The following DAO variants were observed in gnomAD, a reference collection of about 807,000 sequenced individuals.
DAO encodes D-amino-acid oxidase.
In DAO, 51 loss-of-function variants were observed where a neutral mutation model predicts 50.1. That is an observed-to-expected ratio of 1.02 (90% confidence interval 0.81 to 1.29). DAO has a LOEUF of 1.29. Ranked by LOEUF, DAO falls within the 50% of genes most tolerant of loss-of-function variation. The pLI is 0.00. For missense variants in DAO, 436 were observed against 439.4 expected, an observed-to-expected ratio of 0.99 and a Z score of 0.07; for synonymous variants, 160 against 166.2, an observed-to-expected ratio of 0.96 and a Z score of 0.29.
intron 1 of DAO, 100 bp from the exon 2 acceptor site, chr12:108,884,898 T>C (rs2039418139): frequency 1.8e-6 from 2 of 1,085,490 alleles, no homozygotes; most frequent in East Asian, 2.4e-5. Context: ...GGCTTGGTGG[T>C]GTCTGGCACC....
chr12:108,892,356 C>T (rs1332982567), intron 5 of DAO, among the ~76,000 whole-genome samples: 1 of 151,356 alleles, frequency 6.6e-6, no homozygotes, highest in Non-Finnish European at 1.5e-5. Context: ...TTAGTAGAGA[C>T]GGGGTTTCAC....
At chr12:108,887,372 C>A in intron 2 of DAO, 78 bp from the exon 3 acceptor site, 1 of 1,022,946 alleles carries the variant, frequency 9.8e-7, no homozygotes, top group Non-Finnish European at 1.6e-6. Flanking sequence ...GATCATGCCA[C>A]AGCCCCATGC....
intron 7 of DAO, among the ~76,000 whole-genome samples, chr12:108,896,234 CA>C (rs1447521919): frequency 6.6e-6 from 1 of 151,168 alleles, no homozygotes; most frequent in Non-Finnish European, 1.5e-5. Flanking sequence ...CCAGCCTGGC[CA>C]ACGTGGTGAA....
chr12:108,889,402 G>C, intron 3 of DAO, 67 bp from the exon 4 acceptor site: 1 of 1,113,014 alleles, frequency 9.0e-7, no homozygotes, highest in Non-Finnish European at 1.4e-6. Context: ...GAGCCACCTC[G>C]CCTGGCCCAT....
intron 6 of DAO, 83 bp downstream of exon 6, chr12:108,893,119 T>G: frequency 2.3e-6 from 3 of 1,281,898 alleles, no homozygotes; most frequent in Non-Finnish European, 3.4e-6. Flanking sequence ...GGGGGCTCCC[T>G]TCTCAGGCTC....
intron 6 of DAO, among the ~76,000 whole-genome samples, chr12:108,893,581 A>G (rs951223174): frequency 6.6e-6 from 1 of 152,236 alleles, no homozygotes; most frequent in African/African-American, 2.4e-5. Context: ...TATGTCATGA[A>G]GACTAACCTG....
chr12:108,880,094 A>G lies in DAO; in HGVS notation c.-140A>G. ...CCATAGCTCCAGACTTTGACCCTGC[A>G]CTCCAGTCCGGGCTGGCGGACAGAG... is the stretch of plus-strand genomic sequence containing the variant. On this transcript the variant is annotated 5_prime_UTR_variant, in exon 1 of 11. Coordinates refer to ENST00000228476, the MANE Select transcript of DAO (RefSeq NM_001917.5). The G allele has an allele frequency of 4.4e-6, 2 of 456,172 alleles. No homozygotes were observed. The allele number at this position is 456,172 out of a possible 1,614,324, so 28.3% of individuals were successfully genotyped here. A position where few individuals can be genotyped will look rare whatever the true frequency, so the allele number is the denominator to read the frequency against.
At chr12:108,893,966 T>A (rs578019554) in intron 6 of DAO, among the ~76,000 whole-genome samples, 1 of 152,288 alleles carries the variant, frequency 6.6e-6, no homozygotes, top group Admixed American at 6.5e-5. Context: ...TTACAACCAC[T>A]TTTATATTCA....
rs2039524047 is a variant in DAO at position 108,894,340 on chromosome 12, G to A, written c.585G>A (p.Leu195=). Residue 195 remains leucine, a synonymous_variant, in exon 7 of 11, where the codon CTG becomes CTA. Coordinates refer to ENST00000228476, the MANE Select transcript of DAO (RefSeq NM_001917.5). Reference sequence around the variant, plus strand: ...GGGCGCTACAACGAGACCCCCTGCTGCAGCCAGGCCGGGGGCAGATCATGA... The same window carrying A: ...GGGCGCTACAACGAGACCCCCTGCTACAGCCAGGCCGGGGGCAGATCATGA... The part of the protein sequence containing the change: ...WAGALQRDPL[L]QPGRGQIMKV... 1 of 1,613,966 alleles carries A rather than the reference G, an allele frequency of 6.2e-7. No homozygotes were observed. The highest frequency in any genetic ancestry group is 1.7e-5 in the Admixed American group (1 of 60,006).
chr12:108,882,330 T>C (rs373247290), intron 1 of DAO, among the ~76,000 whole-genome samples: 2 of 152,288 alleles, frequency 1.3e-5, no homozygotes, highest in East Asian at 1.9e-4. Flanking sequence ...CTGGCCAACA[T>C]GGTGAAACCT....
rs2302882 is a variant in DAO at position 108,887,702 on chromosome 12, G to C, written c.309+138G>C. ...GCAACAGACTCCTGGGTTCAAAACA[G>C]GTTTGGTTTAAATTCTATTTTTGCT... On this transcript the variant is annotated intron_variant, in intron 3 of 10. Transcript: ENST00000228476. The C allele has an allele frequency of 5.5e-3, 3,979 of 718,822 alleles. 82 individuals carry two copies. Among genetic ancestry groups the C allele is most frequent in the East Asian group, 0.054 (2,171 of 40,028 alleles). 44.5% of individuals were successfully genotyped at this position (718,822 alleles called of 1,614,324 possible).
intron 5 of DAO, among the ~76,000 whole-genome samples, chr12:108,892,319 C>A (rs575044136): frequency 1.3e-5 from 2 of 151,742 alleles, no homozygotes; most frequent in South Asian, 2.1e-4. Context: ...CCTGCCACCA[C>A]GTCTGGCTAA....
At chr12:108,897,250 C>T (rs1006239566) in intron 8 of DAO, among the ~76,000 whole-genome samples, 162 bp downstream of exon 8, 3 of 152,098 alleles carry the variant, frequency 2.0e-5, no homozygotes, top group African/African-American at 7.2e-5. Flanking sequence ...GAGTTTCACT[C>T]TTATTGCCCA....
In DAO at chr12:108,897,460, A is replaced by G. The variant is rs573855130; in HGVS notation, c.695+372A>G. 2.1e-4 allele frequency among the ~76,000 whole-genome samples: 32 copies of G among 151,980 alleles called. No individual in the cohort carries two copies. In the East Asian group the frequency reaches 4.9e-3, roughly 23 times the overall value. ...CTTGAACTCCTGACTCAGGTGATCC[A>G]CCTACCCTTGCCTCCCAAAGTGCTG... On this transcript the variant is annotated intron_variant, in intron 8 of 10. Coordinates refer to ENST00000228476, the MANE Select transcript of DAO (RefSeq NM_001917.5).
intron 1 of DAO, chr12:108,883,828 C>G (rs576293277): frequency 3.0e-6 from 1 of 335,386 alleles, no homozygotes; most frequent in Non-Finnish European, 6.1e-6. Flanking sequence ...GAAACCCCAA[C>G]AGAGTCCAGT....
rs2039613575 is a variant in DAO, at chr12:108,900,703, C to G, written c.*168C>G. ...GTGCCTGGAGAAGGGTTCAGCCCAA[C>G]ATGGGGCCCCTCTCATCACTGAAAT... On this transcript the variant is annotated 3_prime_UTR_variant, in exon 11 of 11. Coordinates refer to ENST00000228476, the MANE Select transcript of DAO (RefSeq NM_001917.5). 3.4e-6 allele frequency: 3 copies of G among 887,886 alleles called. No homozygotes were observed. The highest frequency in any genetic ancestry group is 4.8e-5 in the Admixed American group (2 of 41,274). 55.0% of individuals were successfully genotyped at this position (887,886 alleles called of 1,614,324 possible).
chr12:108,898,165 C>A (rs550364810), intron 8 of DAO, among the ~76,000 whole-genome samples: 1 of 151,824 alleles, frequency 6.6e-6, no homozygotes, highest in Non-Finnish European at 1.5e-5. Flanking sequence ...TGGTGATTAG[C>A]GTAAGAGTTG....
At chr12:108,894,914 C>T (rs2039530958) in intron 7 of DAO, among the ~76,000 whole-genome samples, 1 of 152,128 alleles carries the variant, frequency 6.6e-6, no homozygotes, top group East Asian at 1.9e-4. Flanking sequence ...AAGGATTTCA[C>T]CATATTGCTC....
At chr12:108,899,991 C>T (rs1593168835) in intron 10 of DAO, 6 of 305,414 alleles carry the variant, frequency 2.0e-5, no homozygotes, top group South Asian at 9.6e-5. Flanking sequence ...ATGTGTACTT[C>T]GTGTCAGACA....
Sources: allele counts gnomAD v4.1 joint callset (sites outside exome capture counted in the v4.1 genomes callset), GRCh38; gene constraint gnomAD v4.1.1; transcripts MANE v1.5; gene names NCBI Gene and HGNC (gene_info 2026-07-23, HGNC 2026-07-21).